The following NLGN1 variants were observed in gnomAD, a reference collection of about 807,000 sequenced individuals.
The protein encoded by NLGN1 is neuroligin 1, also known as neuroligin-1.
Under a neutral mutation model 65.5 loss-of-function variants are expected in NLGN1, and 12 were observed. The ratio of observed to expected loss-of-function variants is 0.18; its 90% CI spans 0.12 to 0.30. The LOEUF (loss-of-function observed/expected upper bound fraction) is 0.30, where lower values mean the gene tolerates loss of function less well. NLGN1 is among the 10% of genes least tolerant of loss of function. The probability of loss-of-function intolerance (pLI) is 1.00; values close to 1 mark genes in which losing one functional copy is unlikely to be tolerated. For missense variants in NLGN1, 750 were observed against 1,007.1 expected (o/e 0.74, Z 3.46); for synonymous variants, 350 against 359.5 (o/e 0.97, Z 0.30).
intron 3 of NLGN1, among the ~76,000 whole-genome samples, chr3:173,734,381 A>ATTTTTTTTTTTTTTTTTTTT (rs71162356): frequency 5.0e-4 from 20 of 40,080 alleles, no homozygotes; most frequent in East Asian, 1.0e-3. Context: ...GGATAATTCT[A>ATTTTTTTTTTTTTTTTTTTT]TTTTTTTTTT....
chr3:174,250,984 G>A (rs1349188180), intron 4 of NLGN1, among the ~76,000 whole-genome samples: 1 of 152,016 alleles, frequency 6.6e-6, no homozygotes, highest in Non-Finnish European at 1.5e-5. Context: ...TCCTCTGATT[G>A]TCAAACGTGC....
At chr3:174,225,941 A>G (rs1739596313) in intron 4 of NLGN1, among the ~76,000 whole-genome samples, 1 of 152,154 alleles carries the variant, frequency 6.6e-6, no homozygotes, top group Non-Finnish European at 1.5e-5. Flanking sequence ...AAATACCCAT[A>G]TAACATCTAG....
chr3:174,066,121 T>TA (rs1170289015), intron 4 of NLGN1, among the ~76,000 whole-genome samples: 1 of 152,140 alleles, frequency 6.6e-6, no homozygotes, highest in Non-Finnish European at 1.5e-5. Context: ...TCTGAGATCT[T>TA]AAAAAAGGGT....
intron 4 of NLGN1, among the ~76,000 whole-genome samples, chr3:173,970,607 A>C (rs975564455): frequency 6.6e-6 from 1 of 152,154 alleles, no homozygotes; most frequent in African/African-American, 2.4e-5. Flanking sequence ...GATTTATAGA[A>C]GGGGTAGATT....
chr3:174,157,301 C>T lies in NLGN1; in HGVS notation c.647-118014C>T, dbSNP rs1297729011. On this transcript the variant is annotated intron_variant, in intron 4 of 6. Transcript: ENST00000457714. ...CAGTGTAACTGGTAACCTTAGAACA[C>T]GTTTTTCCCCCTCTTTCTCATCATT... Among the ~76,000 whole-genome samples, 7 of 151,814 alleles carry T rather than the reference C, an allele frequency of 4.6e-5. No individual in the cohort carries two copies. In the East Asian group the frequency reaches 1.4e-3, roughly 29 times the overall value.
At chr3:173,600,457 A>G (rs2149433654) in intron 2 of NLGN1, among the ~76,000 whole-genome samples, 1 of 152,174 alleles carries the variant, frequency 6.6e-6, no homozygotes, top group East Asian at 1.9e-4. Flanking sequence ...TTTATGAGGG[A>G]CATAAAGATA....
At chr3:173,464,096 A>G (rs1723865310) in intron 2 of NLGN1, among the ~76,000 whole-genome samples, 1 of 152,132 alleles carries the variant, frequency 6.6e-6, no homozygotes, top group South Asian at 2.1e-4. Context: ...ATTAAGGTAT[A>G]TAGGGCATTT....
chr3:174,117,038 G>A (rs1399892559), intron 4 of NLGN1, among the ~76,000 whole-genome samples: 1 of 152,048 alleles, frequency 6.6e-6, no homozygotes, highest in African/African-American at 2.4e-5. Flanking sequence ...TGGCGTGACA[G>A]ATATTATTTT....
At chr3:173,465,326 G>A (rs1404314024) in intron 2 of NLGN1, among the ~76,000 whole-genome samples, 1 of 152,190 alleles carries the variant, frequency 6.6e-6, no homozygotes, top group African/African-American at 2.4e-5. Flanking sequence ...ACTTCTTGGA[G>A]GAAGGAGCTT....
chr3:174,120,301 C>T (rs1017553271), intron 4 of NLGN1, among the ~76,000 whole-genome samples: 15 of 151,592 alleles, frequency 9.9e-5, no homozygotes, highest in African/African-American at 3.6e-4. Flanking sequence ...GCCTGGCCAA[C>T]ATGGCAAAGC....
chr3:173,606,853 T>G (rs2149454660), intron 3 of NLGN1, among the ~76,000 whole-genome samples: 1 of 152,028 alleles, frequency 6.6e-6, no homozygotes, highest in Non-Finnish European at 1.5e-5. Context: ...TTTAAATGAC[T>G]AAAAAAGTCT....
At chr3:174,134,501 C>T (rs568083594) in intron 4 of NLGN1, among the ~76,000 whole-genome samples, 1 of 152,220 alleles carries the variant, frequency 6.6e-6, no homozygotes, top group African/African-American at 2.4e-5. Flanking sequence ...GTGTTTCTTT[C>T]CAAATCTGAA....
At chr3:173,662,904 T>C in intron 3 of NLGN1, among the ~76,000 whole-genome samples, 1 of 152,010 alleles carries the variant, frequency 6.6e-6, no homozygotes, top group Admixed American at 6.6e-5. Flanking sequence ...TTTGGAGAAA[T>C]CCTAAACTAA....
chr3:173,591,182 T>C (rs1748416157), intron 2 of NLGN1, among the ~76,000 whole-genome samples: 2 of 152,208 alleles, frequency 1.3e-5, no homozygotes, highest in South Asian at 4.1e-4. Context: ...TCCATGTGTA[T>C]ATTAAATTCT....
At chr3:173,734,381 A>ATTTTTTTTTTTTTTTTTTTTTTT (rs71162356) in intron 3 of NLGN1, among the ~76,000 whole-genome samples, 1 of 40,060 alleles carries the variant, frequency 2.5e-5, no homozygotes, top group African/African-American at 1.1e-4. Context: ...GGATAATTCT[A>ATTTTTTTTTTTTTTTTTTTTTTT]TTTTTTTTTT....
rs1442644820 is a variant in NLGN1 at position 173,405,786 on chromosome 3, ACT to A, written c.-390+7304_-390+7305del. On this transcript the variant is annotated intron_variant, in intron 1 of 6. Coordinates refer to ENST00000457714, the Ensembl canonical transcript of NLGN1. ...GTCTGGGGAGCAGACTCTTCTAGTA[ACT>A]CTCTGTGTCATTTCTAGTGATCCCT... Among the ~76,000 whole-genome samples the A allele has an allele frequency of 3.9e-5, 6 of 152,092 alleles. No homozygotes were observed. In the East Asian group the frequency reaches 1.2e-3, roughly 29 times the overall value.
exon 7 of NLGN1, chr3:174,281,350 G>A (rs767084855): frequency 1.8e-5 from 21 of 1,187,156 alleles, no homozygotes; most frequent in Middle Eastern, 2.0e-4. Context: ...TGCAGTAAAC[G>A]ATCACTGAAG....
intron 4 of NLGN1, among the ~76,000 whole-genome samples, chr3:174,225,526 T>A (rs528867818): frequency 2.0e-5 from 3 of 152,176 alleles, no homozygotes; most frequent in African/African-American, 7.2e-5. Flanking sequence ...GGTCAGGAGA[T>A]CAAGACCATC....
At chr3:173,899,316 A>G (rs1354432425) in intron 4 of NLGN1, among the ~76,000 whole-genome samples, 1 of 152,134 alleles carries the variant, frequency 6.6e-6, no homozygotes, top group Non-Finnish European at 1.5e-5. Context: ...AATTAGTAAA[A>G]AATTTTTCAG....
Sources: gnomAD v4.1 joint callset for allele counts (sites outside exome capture counted in the v4.1 genomes callset) on GRCh38, gnomAD v4.1.1 for gene constraint, MANE v1.5 for transcripts, NCBI Gene and HGNC (gene_info 2026-07-23, HGNC 2026-07-21) for gene names.